AKR1C2: variants seen among roughly 807,000 people sequenced by gnomAD.
The protein encoded by AKR1C2 is 3-alpha-HSD3.
A neutral mutation model predicts 39.8 loss-of-function variants in AKR1C2; 27 were observed. The observed-to-expected ratio is 0.68, with a 90% CI of 0.50 to 0.93. The LOEUF is 0.93. AKR1C2 is among the 40% of genes least tolerant of loss of function. The pLI, the probability that AKR1C2 is intolerant of heterozygous loss-of-function variation, is 0.00. For missense variants in AKR1C2, 263 were observed against 365.1 expected (o/e 0.72, Z 2.28); for synonymous variants, 114 against 137.9 (o/e 0.83, Z 1.22).
chr10:4,989,963 C>T lies in AKR1C2; in HGVS notation c.*33G>A, dbSNP rs1485919798. 1 of 1,566,420 alleles carries T rather than the reference C, an allele frequency of 6.4e-7. No homozygotes were observed. Among genetic ancestry groups the T allele is most frequent in the African/African-American group, 1.4e-5 (1 of 73,710 alleles). On this transcript the variant is annotated 3_prime_UTR_variant, in exon 9 of 9. Coordinates refer to ENST00000380753, the MANE Select transcript of AKR1C2 (RefSeq NM_001393392.1). ...TCTGTGTCACCATCCACACGCAGGG[C>T]CTTCTGGCAGACCTCATGCAATGCC...
At chr10:5,017,454 C>G (rs1837666260) in intron 1 of AKR1C2, among the ~76,000 whole-genome samples, 1 of 152,182 alleles carries the variant, frequency 6.6e-6, no homozygotes. Context: ...ACACAGATCT[C>G]TAGGGTAGGA....
In AKR1C2 at chr10:4,989,977, T is replaced by G. The variant is rs1345787694; in HGVS notation, c.*19A>C. On this transcript the variant is annotated 3_prime_UTR_variant, in exon 9 of 9. Transcript: ENST00000380753. ...CACACGCAGGGCCTTCTGGCAGACC[T>G]CATGCAATGCCCTCCATGTTAATAT... 2 of 1,605,660 alleles carry G rather than the reference T, an allele frequency of 1.2e-6. No homozygotes were observed. The highest frequency in any genetic ancestry group is 1.7e-6 in the Non-Finnish European group (2 of 1,173,672).
chr10:5,007,192 A>T (rs575886842), upstream of AKR1C2, among the ~76,000 whole-genome samples: 1 of 146,198 alleles, frequency 6.8e-6, no homozygotes, highest in East Asian at 2.0e-4. Flanking sequence ...TTTGAAATGA[A>T]AGAAGTTTAG....
At position 5,003,754 on chromosome 10, in the gene AKR1C2, C is replaced by T; in HGVS notation, c.82G>A (p.Glu28Lys). ...VLGFGTYAPA[E>K]VPKSKALEAV... is the part of the protein sequence containing the mutation. ...AACACTAAAAATATTATTGTTACCT[C>T]TGCAGGCGCATAGGTGCCAAATCCC... Residue 28 changes from glutamate to lysine, a missense_variant and splice_region_variant, in exon 1 of 9, where the codon GAG becomes AAG. By Grantham distance (56) the Glu-to-Lys change is moderately conservative. Coordinates refer to ENST00000380753, the MANE Select transcript of AKR1C2 (RefSeq NM_001393392.1). 1 of 1,611,896 alleles carries T rather than the reference C, an allele frequency of 6.2e-7. No homozygotes were observed.
At chr10:5,008,940 G>A (rs555573057), upstream of AKR1C2, among the ~76,000 whole-genome samples, 4 of 152,280 alleles carry the variant, frequency 2.6e-5, no homozygotes, top group East Asian at 7.7e-4. Context: ...AACAAAAAGG[G>A]GTACACTTGA....
intron 1 of AKR1C2, among the ~76,000 whole-genome samples, chr10:5,009,049 C>T (rs1837466106): frequency 6.6e-6 from 1 of 152,014 alleles, no homozygotes; most frequent in South Asian, 2.1e-4. Context: ...TGCCAAAAGC[C>T]GTGCAGGAGG....
chr10:5,003,751 C>T lies in AKR1C2; in HGVS notation c.84+1G>A, dbSNP rs781949902. 12 of 1,613,076 alleles carry T rather than the reference C, an allele frequency of 7.4e-6. No individual in the cohort carries two copies. The South Asian group carries it at 7.7e-5, about 10-fold the overall frequency. The stretch of plus-strand genomic sequence containing the variant: ...CTCAACACTAAAAATATTATTGTTA[C>T]CTCTGCAGGCGCATAGGTGCCAAAT... On this transcript the variant is annotated splice_donor_variant, in intron 1 of 8. Coordinates refer to ENST00000380753, the MANE Select transcript of AKR1C2 (RefSeq NM_001393392.1). LOFTEE classifies it high-confidence loss of function.
intron 8 of AKR1C2, among the ~76,000 whole-genome samples, chr10:4,990,641 A>G (rs550100612): frequency 1.3e-5 from 2 of 152,216 alleles, no homozygotes; most frequent in Non-Finnish European, 2.9e-5. Flanking sequence ...CAAAATGTAA[A>G]GACACAGATA....
At chr10:4,993,088 C>G (rs1372191245) in intron 7 of AKR1C2, among the ~76,000 whole-genome samples, 1 of 152,326 alleles carries the variant, frequency 6.6e-6, no homozygotes, top group East Asian at 1.9e-4. Flanking sequence ...ATTCAGTTCT[C>G]TCTGCATTGA....
At chr10:5,017,600 A>G (rs78753062) in intron 1 of AKR1C2, among the ~76,000 whole-genome samples, 2,586 of 152,270 alleles carry the variant, frequency 0.017, 81 homozygotes, top group African/African-American at 0.058. Context: ...CATTTTCTTC[A>G]TAACCATTCA....
chr10:5,017,624 T>G (rs1554775451), intron 1 of AKR1C2, among the ~76,000 whole-genome samples: 1 of 152,130 alleles, frequency 6.6e-6, no homozygotes. Flanking sequence ...CTCTAGGAAG[T>G]CAAAACCCTC....
At chr10:4,994,994 G>A (rs1266441597) in intron 7 of AKR1C2, among the ~76,000 whole-genome samples, 10 of 91,892 alleles carry the variant, frequency 1.1e-4, no homozygotes, top group South Asian at 4.5e-4. Context: ...AGAAAAATCC[G>A]CCATGAGTTG....
chr10:4,990,400 C>A (rs1554772048), intron 8 of AKR1C2, among the ~76,000 whole-genome samples: 1 of 152,146 alleles, frequency 6.6e-6, no homozygotes, highest in African/African-American at 2.4e-5. Flanking sequence ...TTCTGCCTTA[C>A]ATTGAAGAGG....
rs1219423440 is a variant in AKR1C2, at chr10:4,988,812, A to G, written c.*1184T>C. ...AAAAGTGTTTTCTAAAACGAAAATC[A>G]TGTCTTCATGATTAGCTGATTTGAT... On this transcript the variant is annotated 3_prime_UTR_variant, in exon 9 of 9. Transcript: ENST00000380753. 1 of 151,362 alleles carries G rather than the reference A, an allele frequency of 6.6e-6. No individual in the cohort carries two copies. Among genetic ancestry groups the G allele is most frequent in the South Asian group, 2.1e-4 (1 of 4,742 alleles). The allele number at this position is 151,362 out of a possible 1,614,324, so 9.4% of individuals were successfully genotyped here.
intron 1 of AKR1C2, among the ~76,000 whole-genome samples, chr10:5,013,138 C>T (rs1421589771): frequency 6.6e-6 from 1 of 152,144 alleles, no homozygotes; most frequent in East Asian, 1.9e-4. Context: ...AACAAACCAC[C>T]ATGGCATGAG....
intron 1 of AKR1C2, among the ~76,000 whole-genome samples, chr10:5,010,819 C>A (rs1554774839): frequency 6.6e-6 from 1 of 152,098 alleles, no homozygotes; most frequent in African/African-American, 2.4e-5. Flanking sequence ...CTCAAAATAG[C>A]TTTGCAAGCT....
At chr10:5,013,090 T>C (rs11252885) in intron 1 of AKR1C2, among the ~76,000 whole-genome samples, 19,761 of 152,100 alleles carry the variant, frequency 0.13, 1,554 homozygotes, top group Non-Finnish European at 0.18. Context: ...AACTAATGAG[T>C]ACTAGGCTTC....
intron 3 of AKR1C2, chr10:4,999,527 A>G (rs1341669778): frequency 2.9e-5 from 17 of 578,328 alleles, no homozygotes; most frequent in Non-Finnish European, 3.9e-5. Context: ...ATGGAGTGTC[A>G]TCATTGACTT....
upstream of AKR1C2, chr10:5,006,374 G>A (rs559924652): frequency 6.6e-6 from 1 of 152,264 alleles, no homozygotes; most frequent in Non-Finnish European, 1.5e-5. Flanking sequence ...AGCCGAGGCA[G>A]GCGGATCACC....
Sources: gnomAD v4.1 joint callset for allele counts (sites outside exome capture counted in the v4.1 genomes callset) on GRCh38, gnomAD v4.1.1 for gene constraint, MANE v1.5 for transcripts, NCBI Gene and HGNC (gene_info 2026-07-23, HGNC 2026-07-21) for gene names.